Variants in GALNT11 observed in about 807,000 individuals in gnomAD.
GALNT11 encodes the protein polypeptide N-acetylgalactosaminyltransferase 11.
Under a neutral mutation model 72.7 loss-of-function variants are expected in GALNT11, and 47 were observed. The ratio of observed to expected loss-of-function variants is 0.65; its 90% CI spans 0.51 to 0.82. The LOEUF is 0.82. GALNT11 is among the 40% of genes least tolerant of loss of function. The probability of loss-of-function intolerance (pLI) is 0.00; values close to 1 mark genes in which losing one functional copy is unlikely to be tolerated. For synonymous variants in GALNT11, 270 were observed against 286.6 expected, an observed-to-expected ratio of 0.94 and a Z score of 0.58; for missense variants, 677 against 778.4, an observed-to-expected ratio of 0.87 and a Z score of 1.55.
chr7:152,040,664 A>G (rs559403035), intron 1 of GALNT11, among the ~76,000 whole-genome samples: 1 of 152,326 alleles, frequency 6.6e-6, no homozygotes, highest in South Asian at 2.1e-4. Flanking sequence ...GTTCATCTGT[A>G]TGAAATCATA....
At chr7:152,090,766 T>C (rs1385884489) in intron 1 of GALNT11, among the ~76,000 whole-genome samples, 1 of 151,990 alleles carries the variant, frequency 6.6e-6, no homozygotes, top group East Asian at 1.9e-4. Flanking sequence ...TCCATCTTCC[T>C]GAAGCTTCAC....
chr7:152,098,815 TTTG>T (rs1438219493), intron 2 of GALNT11, among the ~76,000 whole-genome samples: 5 of 152,180 alleles, frequency 3.3e-5, no homozygotes, highest in Non-Finnish European at 1.5e-5. Context: ...CTAGTGGAGG[TTTG>T]TTGTTTTGTG....
chr7:152,100,136 T>C (rs1000796173), intron 2 of GALNT11, among the ~76,000 whole-genome samples: 1 of 152,018 alleles, frequency 6.6e-6, no homozygotes, highest in African/African-American at 2.4e-5. Context: ...GAGGGACTCC[T>C]GTAAAAACTC....
intron 7 of GALNT11, among the ~76,000 whole-genome samples, chr7:152,111,471 G>C (rs1463941822): frequency 1.3e-5 from 2 of 152,118 alleles, no homozygotes; most frequent in African/African-American, 4.8e-5. Flanking sequence ...TATGGATTTA[G>C]AGGTACAAGT....
chr7:152,109,074 TTC>T (rs1310691635), intron 6 of GALNT11, among the ~76,000 whole-genome samples: 1 of 152,254 alleles, frequency 6.6e-6, no homozygotes, highest in Non-Finnish European at 1.5e-5. Flanking sequence ...CAGAAGCCAT[TTC>T]TTACGTAGCA....
intron 1 of GALNT11, among the ~76,000 whole-genome samples, chr7:152,073,130 C>T (rs1203811726): frequency 6.6e-6 from 1 of 152,142 alleles, no homozygotes; most frequent in Non-Finnish European, 1.5e-5. Context: ...TCATCTCATA[C>T]ATTTATCATT....
intron 1 of GALNT11, among the ~76,000 whole-genome samples, chr7:152,062,362 T>G (rs879425560): frequency 3.9e-5 from 6 of 152,234 alleles, no homozygotes; most frequent in Admixed American, 1.3e-4. Flanking sequence ...AAGGAGATTT[T>G]GGGCTGAGAC....
rs1263931650 is a variant in GALNT11 at position 152,035,415 on chromosome 7, A to G, written c.-39+9531A>G. Among the ~76,000 whole-genome samples the G allele has an allele frequency of 3.3e-5, 5 of 152,212 alleles. No homozygotes were observed. The South Asian group carries it at 8.3e-4, about 25-fold the overall frequency. On this transcript the variant is annotated intron_variant, in intron 1 of 11. Transcript: ENST00000430044. ...GTTTTTCTGACAAGCATTAGGACCCAGGAGGCAAGGGTCAGGATAGGTAGG... is the reference window on the plus strand; with the variant it reads ...GTTTTTCTGACAAGCATTAGGACCCGGGAGGCAAGGGTCAGGATAGGTAGG...
At chr7:152,102,999 CA>C (rs2087118608) in intron 3 of GALNT11, 112 bp from the exon 4 acceptor site, 1 of 937,216 alleles carries the variant, frequency 1.1e-6, no homozygotes, top group South Asian at 2.2e-5. Flanking sequence ...AAAAAAAAGG[CA>C]GGGGGTGGGG....
chr7:152,088,966 G>C (rs2085828430), intron 1 of GALNT11, among the ~76,000 whole-genome samples: 1 of 152,108 alleles, frequency 6.6e-6, no homozygotes, highest in Non-Finnish European at 1.5e-5. Flanking sequence ...TGCCCGATGG[G>C]TTCTTCCTGC....
At chr7:152,031,809 T>G (rs893785924) in intron 1 of GALNT11, among the ~76,000 whole-genome samples, 5 of 152,178 alleles carry the variant, frequency 3.3e-5, no homozygotes, top group Non-Finnish European at 5.9e-5. Context: ...TGGTTCCCAT[T>G]CTACTAGATG....
rs1214356965 is a variant in GALNT11 at position 152,094,891 on chromosome 7, C to G, written c.295+369C>G. Among the ~76,000 whole-genome samples, 1 of 152,166 alleles carries G rather than the reference C, an allele frequency of 6.6e-6. No individual in the cohort carries two copies. The highest frequency in any genetic ancestry group is 1.5e-5 in the Non-Finnish European group (1 of 68,030). On this transcript the variant is annotated intron_variant, in intron 2 of 11. Transcript: ENST00000430044. This position sits in a 1 kb window ranked among gnomAD's most constrained non-coding sequence, Gnocchi z 4.3. The stretch of plus-strand genomic sequence containing the variant: ...TCTTGGGCTCAAGCTGCCCTCCCAC[C>G]TCAACCTTGAGAGTAGCTGGGACTA...
At chr7:152,036,012 C>G (rs942033609) in intron 1 of GALNT11, among the ~76,000 whole-genome samples, 1 of 152,188 alleles carries the variant, frequency 6.6e-6, no homozygotes, top group African/African-American at 2.4e-5. Context: ...GCTGGCGCAA[C>G]TGTCCTTGCG....
In GALNT11 at chr7:152,121,913, G is replaced by A. The variant is rs1175511147; in HGVS notation, c.*236G>A. ...TGTCCACGGGTGAAGAAGTGAGTATGTTTCACCTGGACATTAAGGTGATGT... is the reference window on the plus strand; with the variant it reads ...TGTCCACGGGTGAAGAAGTGAGTATATTTCACCTGGACATTAAGGTGATGT... On this transcript the variant is annotated 3_prime_UTR_variant, in exon 12 of 12. Coordinates refer to ENST00000430044, the MANE Select transcript of GALNT11 (RefSeq NM_022087.4). 1.1e-5 allele frequency: 5 copies of A among 435,750 alleles called. No homozygotes were observed. The highest frequency in any genetic ancestry group is 2.0e-5 in the Non-Finnish European group (5 of 246,352). The allele number at this position is 435,750 out of a possible 1,614,324, so 27.0% of individuals were successfully genotyped here. A position where few individuals can be genotyped will look rare whatever the true frequency, so the allele number is the denominator to read the frequency against.
chr7:152,038,310 A>G (rs938538196), intron 1 of GALNT11, among the ~76,000 whole-genome samples: 9 of 152,232 alleles, frequency 5.9e-5, no homozygotes, highest in East Asian at 1.9e-4. Context: ...AAGATTTACT[A>G]TAAGTATTCC....
chr7:152,105,289 C>A lies in GALNT11; in HGVS notation c.631C>A (p.Pro211Thr). ...ELDEYVQKYL[P>T]GKIKVIRNTK... ...AGATGAATATGTCCAAAAATACCTC[C>A]CTGGAAAAATTAAAGTCATAAGAAA... Residue 211 changes from proline to threonine, a missense_variant, in exon 5 of 12, where the codon CCT becomes ACT. Transcript: ENST00000430044. 6.2e-7 allele frequency: 1 copy of A among 1,613,846 alleles called. No homozygotes were observed. The highest frequency in any genetic ancestry group is 1.3e-5 in the African/African-American group (1 of 75,030).
At chr7:152,077,191 T>TA (rs751983773) in intron 1 of GALNT11, among the ~76,000 whole-genome samples, 1 of 152,182 alleles carries the variant, frequency 6.6e-6, no homozygotes, top group Non-Finnish European at 1.5e-5. Flanking sequence ...GTTTAGAAAA[T>TA]AGCCCTGGCC....
chr7:152,085,749 C>G (rs905179348), intron 1 of GALNT11, among the ~76,000 whole-genome samples: 17 of 152,208 alleles, frequency 1.1e-4, no homozygotes, highest in African/African-American at 4.1e-4. Flanking sequence ...CAGTCTCGCT[C>G]TCTTGCCCAG....
intron 1 of GALNT11, among the ~76,000 whole-genome samples, chr7:152,077,692 A>G (rs1158941039): frequency 6.6e-6 from 1 of 152,192 alleles, no homozygotes; most frequent in African/African-American, 2.4e-5. Flanking sequence ...CCAGAGGAAG[A>G]TAACATCTCA....
Sources: gnomAD v4.1 joint callset for allele counts (sites outside exome capture counted in the v4.1 genomes callset) on GRCh38, gnomAD v4.1.1 for gene constraint, Gnocchi (gnomAD v3.1) non-coding constraint, MANE v1.5 for transcripts, NCBI Gene and HGNC (gene_info 2026-07-23, HGNC 2026-07-21) for gene names.